LIN7A: variants seen among roughly 807,000 people sequenced by gnomAD.
The protein encoded by LIN7A is protein lin-7 homolog A.
A neutral mutation model predicts 29.8 loss-of-function variants in LIN7A; 25 were observed. The ratio of observed to expected loss-of-function variants is 0.84; its 90% CI spans 0.61 to 1.17. The LOEUF (loss-of-function observed/expected upper bound fraction) is 1.17, where lower values mean the gene tolerates loss of function less well. Among genes scored for constraint, LIN7A ranks in the 50% most tolerant of loss-of-function variants. The pLI is 0.00. For missense variants in LIN7A, 239 were observed against 287.0 expected, an observed-to-expected ratio of 0.83 and a Z score of 1.21; for synonymous variants, 118 against 107.5, an observed-to-expected ratio of 1.10 and a Z score of -0.60.
At chr12:80,919,584 A>T (rs1388091841) in intron 1 of LIN7A, among the ~76,000 whole-genome samples, 1 of 152,200 alleles carries the variant, frequency 6.6e-6, no homozygotes, top group African/African-American at 2.4e-5. Flanking sequence ...TAGACCCATT[A>T]CAACGGGGAG....
intron 4 of LIN7A, among the ~76,000 whole-genome samples, chr12:80,814,934 C>G (rs1224545545): frequency 6.6e-6 from 1 of 152,152 alleles, no homozygotes; most frequent in East Asian, 1.9e-4. Flanking sequence ...GTCACAGTTC[C>G]TCATTTGTAC....
chr12:80,849,986 G>A (rs931625514), intron 2 of LIN7A, among the ~76,000 whole-genome samples: 2 of 152,102 alleles, frequency 1.3e-5, no homozygotes, highest in African/African-American at 4.8e-5. Flanking sequence ...GGATGTTTAT[G>A]AAGACAATCA....
chr12:80,873,517 A>C (rs564928065), intron 2 of LIN7A, among the ~76,000 whole-genome samples: 1 of 150,494 alleles, frequency 6.6e-6, no homozygotes, highest in Non-Finnish European at 1.5e-5. Context: ...TGGGCAATAG[A>C]GCGAGACCCT....
intron 1 of LIN7A, among the ~76,000 whole-genome samples, chr12:80,928,976 T>C (rs1166968014): frequency 6.6e-6 from 1 of 152,200 alleles, no homozygotes; most frequent in Non-Finnish European, 1.5e-5. Context: ...TGCTAGGGTA[T>C]GCTGTATTAG....
chr12:80,803,629 C>G (rs925048081), intron 5 of LIN7A, among the ~76,000 whole-genome samples: 3 of 151,918 alleles, frequency 2.0e-5, no homozygotes, highest in African/African-American at 7.3e-5. Context: ...TGGTTCCATG[C>G]AAATTTTGGG....
At chr12:80,823,120 G>A (rs575424039) in intron 4 of LIN7A, among the ~76,000 whole-genome samples, 25 of 152,260 alleles carry the variant, frequency 1.6e-4, no homozygotes, top group African/African-American at 6.0e-4. Flanking sequence ...GCACCTCTTC[G>A]CTTTGCTCAC....
chr12:80,833,558 T>C (rs540186547), intron 4 of LIN7A, among the ~76,000 whole-genome samples: 1 of 152,210 alleles, frequency 6.6e-6, no homozygotes, highest in Non-Finnish European at 1.5e-5. Context: ...TAAAAATTCA[T>C]GTCATTTTGG....
intron 4 of LIN7A, among the ~76,000 whole-genome samples, chr12:80,815,515 G>T (rs1871489670): frequency 6.6e-6 from 1 of 152,162 alleles, no homozygotes; most frequent in Non-Finnish European, 1.5e-5. Context: ...TTTGAAATGT[G>T]ATAGGTTATT....
intron 4 of LIN7A, among the ~76,000 whole-genome samples, chr12:80,824,701 T>C (rs1174089917): frequency 6.6e-6 from 1 of 152,220 alleles, no homozygotes; most frequent in Non-Finnish European, 1.5e-5. Context: ...GATGCAGGGA[T>C]GGTTTAACAT....
chr12:80,798,698 C>A (rs1339380984), intron 5 of LIN7A, among the ~76,000 whole-genome samples: 1 of 152,042 alleles, frequency 6.6e-6, no homozygotes, highest in Non-Finnish European at 1.5e-5. Flanking sequence ...TATTTAATCT[C>A]CACAACAGAC....
intron 5 of LIN7A, among the ~76,000 whole-genome samples, chr12:80,801,872 C>T (rs2121486855): frequency 6.6e-6 from 1 of 151,500 alleles, no homozygotes; most frequent in East Asian, 1.9e-4. Flanking sequence ...AATCACTATT[C>T]TACTCTCTAC....
chr12:80,926,000 A>T (rs554479906), intron 1 of LIN7A, among the ~76,000 whole-genome samples: 13 of 152,282 alleles, frequency 8.5e-5, no homozygotes, highest in African/African-American at 3.1e-4. Context: ...TCATCATTGC[A>T]CTAGCTCTTT....
intron 2 of LIN7A, among the ~76,000 whole-genome samples, chr12:80,864,828 G>A (rs577027312): frequency 6.6e-6 from 1 of 152,226 alleles, no homozygotes; most frequent in Admixed American, 6.5e-5. Context: ...TTATTAACCT[G>A]TCTTTGGGGA....
At chr12:80,811,368 C>A in intron 5 of LIN7A, 97 bp downstream of exon 5, 1 of 430,808 alleles carries the variant, frequency 2.3e-6, no homozygotes, top group East Asian at 4.1e-5. Context: ...TATTTTAGAA[C>A]ATATCTAAAA....
intron 4 of LIN7A, among the ~76,000 whole-genome samples, chr12:80,843,658 G>T (rs1872925013): frequency 6.6e-6 from 1 of 151,770 alleles, no homozygotes; most frequent in Non-Finnish European, 1.5e-5. Context: ...ACACAGGATA[G>T]CTCTCAACAA....
At chr12:80,936,261 A>G (rs567371987) in intron 1 of LIN7A, among the ~76,000 whole-genome samples, 2 of 152,310 alleles carry the variant, frequency 1.3e-5, no homozygotes, top group Non-Finnish European at 2.9e-5. Flanking sequence ...AACATTTTCT[A>G]ATATAAAATC....
intron 4 of LIN7A, among the ~76,000 whole-genome samples, chr12:80,835,749 AAG>A (rs1327296184): frequency 1.3e-5 from 2 of 152,216 alleles, no homozygotes; most frequent in Non-Finnish European, 2.9e-5. Flanking sequence ...TAGAGTCTCA[AAG>A]AGTAAATAAA....
intron 2 of LIN7A, among the ~76,000 whole-genome samples, chr12:80,864,264 C>T (rs1874025533): frequency 6.6e-6 from 1 of 151,886 alleles, no homozygotes; most frequent in South Asian, 2.1e-4. Flanking sequence ...ACTGCTCTAA[C>T]CATCTCCACT....
chr12:80,899,244 GGTTTT>G (rs1876070485), intron 1 of LIN7A, among the ~76,000 whole-genome samples: 1 of 152,038 alleles, frequency 6.6e-6, no homozygotes, highest in African/African-American at 2.4e-5. Context: ...TGATCATATG[GGTTTT>G]GTTTTTAGTT....
Sources: allele counts gnomAD v4.1 joint callset (sites outside exome capture counted in the v4.1 genomes callset), GRCh38; gene constraint gnomAD v4.1.1; transcripts MANE v1.5; gene names NCBI Gene and HGNC (gene_info 2026-07-23, HGNC 2026-07-21).